Variants in LUM observed in about 807,000 individuals in gnomAD.
The protein encoded by LUM is lumican, also known as KSPG lumican.
Under a neutral mutation model 20.5 loss-of-function variants are expected in LUM, and 13 were observed. The observed-to-expected ratio is 0.63, with a 90% CI of 0.41 to 1.01. The LOEUF is 1.01. LUM is among the 50% of genes least tolerant of loss of function. The pLI is 0.00. For synonymous variants in LUM, 173 were observed against 151.5 expected, an observed-to-expected ratio of 1.14 and a Z score of -1.04; for missense variants, 321 against 391.1, an observed-to-expected ratio of 0.82 and a Z score of 1.51.
intron 2 of LUM, among the ~76,000 whole-genome samples, chr12:91,107,287 G>GAGAGAAAGAAAGAA (rs1880087940): frequency 1.6e-5 from 1 of 61,298 alleles, no homozygotes; most frequent in African/African-American, 7.5e-5. Flanking sequence ...AAGAAAGAAA[G>GAGAGAAAGAAAGAA]AGAAAGAAAG....
At chr12:91,106,187 C>T (rs779128523) in intron 2 of LUM, among the ~76,000 whole-genome samples, 7 of 152,158 alleles carry the variant, frequency 4.6e-5, no homozygotes, top group Non-Finnish European at 7.4e-5. Context: ...TTTAACCCTA[C>T]TAGAGGTTAT....
chr12:91,108,045 A>G lies in LUM; in HGVS notation c.862+73T>C. 4 of 1,506,848 alleles carry G rather than the reference A, an allele frequency of 2.7e-6. No homozygotes were observed. The highest frequency in any genetic ancestry group is 2.3e-5 in the South Asian group (2 of 88,048). The allele number at this position is 1,506,848 out of a possible 1,614,324, so 93.3% of individuals were successfully genotyped here. ...TGTTTTTTTAATGGAGCCAGATGCA[A>G]TATCTGTGTTGTGCAGCCCAGGTAT... On this transcript the variant is annotated intron_variant, in intron 2 of 2. Transcript: ENST00000266718. This position sits in a 1 kb window ranked among gnomAD's most constrained non-coding sequence, Gnocchi z 4.2.
At position 91,102,753 on chromosome 12, in the gene LUM, T is replaced by C. The variant is rs1246370502; in HGVS notation, c.*1412A>G. On this transcript the variant is annotated 3_prime_UTR_variant, in exon 3 of 3. Transcript: ENST00000266718. ...GTAGAAAACTCATGAAAATCAAAAA[T>C]ACACATTGTACCTAATGTAATATCC... is the stretch of plus-strand genomic sequence containing the variant. The C allele has an allele frequency of 6.6e-6, 1 of 152,084 alleles. No homozygotes were observed. Among genetic ancestry groups the C allele is most frequent in the African/African-American group, 2.4e-5 (1 of 41,448 alleles). 9.4% of individuals were successfully genotyped at this position (152,084 alleles called of 1,614,324 possible).
chr12:91,107,906 G>T (rs1880117578), intron 2 of LUM, among the ~76,000 whole-genome samples: 1 of 151,994 alleles, frequency 6.6e-6, no homozygotes, highest in South Asian at 2.1e-4. Flanking sequence ...AGTAGAGATG[G>T]GGTTTCATCA....
chr12:91,107,238 GGAAAGAAAGAAAGAAA>G (rs1555188589), intron 2 of LUM, among the ~76,000 whole-genome samples: 3 of 67,296 alleles, frequency 4.5e-5, no homozygotes, highest in African/African-American at 1.6e-4. Flanking sequence ...AAGAAAGAAA[GGAAAGAAAGAAAGAAA>G]GAAAGAAAGA....
At chr12:91,106,562 A>T (rs1273681817) in intron 2 of LUM, among the ~76,000 whole-genome samples, 1 of 151,988 alleles carries the variant, frequency 6.6e-6, no homozygotes, top group Non-Finnish European at 1.5e-5. Context: ...GTCCAAATGC[A>T]TCAGATCAAA....
chr12:91,104,786 A>T (rs552906684), intron 2 of LUM, among the ~76,000 whole-genome samples: 2 of 152,220 alleles, frequency 1.3e-5, no homozygotes, highest in African/African-American at 2.4e-5. Flanking sequence ...TACCATGACC[A>T]TGATAAAAAT....
At chr12:91,110,171 G>A (rs1457268996) in intron 1 of LUM, among the ~76,000 whole-genome samples, 1 of 152,054 alleles carries the variant, frequency 6.6e-6, no homozygotes, top group African/African-American at 2.4e-5. Flanking sequence ...TGGTAGCCCT[G>A]GGAGATAAAT....
chr12:91,107,269 AAGAAAGAAAGAAAGAAAG>A (rs1195952058), intron 2 of LUM, among the ~76,000 whole-genome samples: 121 of 86,932 alleles, frequency 1.4e-3, no homozygotes, highest in African/African-American at 5.0e-3. Flanking sequence ...GAAAGAAAGA[AAGAAAGAAAGAAAGAAAG>A]AGAAAGAAAG....
At chr12:91,107,346 G>GAAAGAAAGAAAGA (rs1880102170) in intron 2 of LUM, among the ~76,000 whole-genome samples, 1 of 133,190 alleles carries the variant, frequency 7.5e-6, no homozygotes, top group Admixed American at 7.4e-5. Context: ...AGAAAGAAAG[G>GAAAGAAAGAAAGA]GAAAGAAAGG....
rs940506883 is a variant in LUM, at chr12:91,103,334, T to C, written c.*831A>G. 2.0e-5 allele frequency: 3 copies of C among 152,030 alleles called. No homozygotes were observed. Among genetic ancestry groups the C allele is most frequent in the Admixed American group, 2.0e-4 (3 of 15,250 alleles). 9.4% of individuals were successfully genotyped at this position (152,030 alleles called of 1,614,324 possible). A position where few individuals can be genotyped will look rare whatever the true frequency, so the allele number is the denominator to read the frequency against. ...CCAGGAATGGGAATAATGACAAATA[T>C]CTAAGTAAGTTGTGAAATCTAAGTA... On this transcript the variant is annotated 3_prime_UTR_variant, in exon 3 of 3. Coordinates refer to ENST00000266718, the MANE Select transcript of LUM (RefSeq NM_002345.4).
chr12:91,109,095 AT>A, intron 1 of LUM, 95 bp from the exon 2 acceptor site: 1 of 930,954 alleles, frequency 1.1e-6, no homozygotes, highest in Non-Finnish European at 1.6e-6. Context: ...GAAAATGTGC[AT>A]TTTGTTATTT....
rs958076876 is a variant in LUM at position 91,104,415 on chromosome 12, C to A, written c.863-96G>T. On this transcript the variant is annotated intron_variant, in intron 2 of 2. Coordinates refer to ENST00000266718, the MANE Select transcript of LUM (RefSeq NM_002345.4). ...TGTTTAATATATTATAAAATAGGAC[C>A]TCTTCCCATTTAGAAAAGTCATAAT... 9 of 825,218 alleles carry A rather than the reference C, an allele frequency of 1.1e-5. 1 individual carries two copies. Among genetic ancestry groups the A allele is most frequent in the Non-Finnish European group, 1.7e-5 (9 of 535,236 alleles). 51.1% of individuals were successfully genotyped at this position (825,218 alleles called of 1,614,324 possible).
intron 2 of LUM, among the ~76,000 whole-genome samples, chr12:91,105,405 A>G (rs904762023): frequency 6.6e-6 from 1 of 152,100 alleles, no homozygotes; most frequent in African/African-American, 2.4e-5. Flanking sequence ...TATCCTTTTG[A>G]TTTTGCTGTC....
chr12:91,110,365 A>G (rs1489938419), intron 1 of LUM, among the ~76,000 whole-genome samples: 1 of 152,200 alleles, frequency 6.6e-6, no homozygotes, highest in Non-Finnish European at 1.5e-5. Flanking sequence ...ATTTCAGATC[A>G]GATGGAACGT....
Position 91,108,197 on chromosome 12 carries a change from C to A in LUM, c.783G>T (p.Leu261=). ...GTATGTTTTTAAGCTTGTTATAGGACAGATCCAGCTCAACCAGGGATGACA... is the reference window on the plus strand; with the variant it reads ...GTATGTTTTTAAGCTTGTTATAGGAAAGATCCAGCTCAACCAGGGATGACA... ...FNVSSLVELD[L]SYNKLKNIPT... is the part of the protein sequence containing the mutation. Residue 261 remains leucine, a synonymous_variant, in exon 2 of 3, where the codon CTG becomes CTT. Transcript: ENST00000266718. This position sits in a 1 kb window ranked among gnomAD's most constrained non-coding sequence, Gnocchi z 4.2. The A allele has an allele frequency of 6.2e-7, 1 of 1,614,044 alleles. No individual in the cohort carries two copies. The highest frequency in any genetic ancestry group is 8.5e-7 in the Non-Finnish European group (1 of 1,179,960).
intron 1 of LUM, among the ~76,000 whole-genome samples, chr12:91,110,968 C>T (rs369193294): frequency 6.6e-6 from 1 of 152,046 alleles, no homozygotes; most frequent in African/African-American, 2.4e-5. Context: ...TAACATAGAA[C>T]GTTTATTGTA....
At chr12:91,104,651 C>T (rs1879990961) in intron 2 of LUM, among the ~76,000 whole-genome samples, 1 of 151,858 alleles carries the variant, frequency 6.6e-6, no homozygotes, top group East Asian at 1.9e-4. Flanking sequence ...AATAGTATAA[C>T]CTGAAGAAAT....
At chr12:91,110,814 C>T (rs1162140788) in intron 1 of LUM, among the ~76,000 whole-genome samples, 2 of 152,104 alleles carry the variant, frequency 1.3e-5, no homozygotes, top group African/African-American at 4.8e-5. Flanking sequence ...AGAGAAAATG[C>T]TGTTTTCAAA....
Sources: allele counts gnomAD v4.1 joint callset (sites outside exome capture counted in the v4.1 genomes callset), GRCh38; gene constraint gnomAD v4.1.1; non-coding constraint Gnocchi (gnomAD v3.1); transcripts MANE v1.5; gene names NCBI Gene and HGNC (gene_info 2026-07-23, HGNC 2026-07-21).